PPP2R3B: variants seen among roughly 807,000 people sequenced by gnomAD.
The protein encoded by PPP2R3B is serine/threonine-protein phosphatase 2A regulatory subunit B'' subunit beta.
Under a neutral mutation model 72.9 loss-of-function variants are expected in PPP2R3B, and 68 were observed. The observed-to-expected ratio is 0.93, with a 90% CI of 0.77 to 1.14. PPP2R3B has a LOEUF of 1.14. Among genes scored for constraint, PPP2R3B ranks in the 50% most tolerant of loss-of-function variants. The pLI is 0.00. For synonymous variants in PPP2R3B, 466 were observed against 375.8 expected, an observed-to-expected ratio of 1.24 and a Z score of -2.78; for missense variants, 1,018 against 842.0, an observed-to-expected ratio of 1.21 and a Z score of -2.59.
At position 386,407 on chromosome X, in the gene PPP2R3B, G is replaced by C; in HGVS notation, c.285C>G (p.Pro95=). The C allele has an allele frequency of 7.6e-7, 1 of 1,320,208 alleles. No homozygotes were observed. The highest frequency in any genetic ancestry group is 9.7e-7 in the Non-Finnish European group (1 of 1,029,438). 81.8% of individuals were successfully genotyped at this position (1,320,208 alleles called of 1,614,324 possible). The change falls in exon 1 of 13, where the codon CCC becomes CCG. Residue 95 remains proline, a synonymous_variant. Transcript: ENST00000390665. ...CGGATCTACGGGTGCCTCGAACGTG[G>C]GGCGCGTTCCTGGGGCTGGAGGCGG... The part of the protein sequence containing the change: ...LGAASSPRNA[P]HVRGTRRSAG...
chrX:357,551 T>G (rs1489084408), intron 2 of PPP2R3B, among the ~76,000 whole-genome samples: 1 of 152,202 alleles, frequency 6.6e-6, no homozygotes, highest in Non-Finnish European at 1.5e-5. Context: ...TAAATGATTC[T>G]GTCAAGAAAG....
intron 5 of PPP2R3B, 92 bp downstream of exon 5, chrX:346,609 C>T (rs2071220059): frequency 4.7e-6 from 6 of 1,285,388 alleles, no homozygotes; most frequent in African/African-American, 1.5e-5. Context: ...CCCCGGGCCC[C>T]GCCCGCCCCG....
intron 2 of PPP2R3B, among the ~76,000 whole-genome samples, chrX:355,945 T>C (rs1270809208): frequency 6.6e-6 from 1 of 152,086 alleles, no homozygotes; most frequent in African/African-American, 2.4e-5. Flanking sequence ...TCAAAGCTCA[T>C]TGAATTGTAC....
At position 342,283 on chromosome X, in the gene PPP2R3B, CCAACGGGAGACGGGAGTGAGACCTCAG is replaced by C. The variant is rs1569381591; in HGVS notation, c.1037-379_1037-353del. 373 of 425,764 alleles carry C rather than the reference CCAACGGGAGACGGGAGTGAGACCTCAG, an allele frequency of 8.8e-4. 1 individual carries two copies. Among genetic ancestry groups the C allele is most frequent in the African/African-American group, 5.8e-3 (282 of 48,538 alleles). The allele number at this position is 425,764 out of a possible 1,614,324, so 26.4% of individuals were successfully genotyped here. On this transcript the variant is annotated intron_variant, in intron 7 of 12. Coordinates refer to ENST00000390665, the MANE Select transcript of PPP2R3B (RefSeq NM_013239.5). ...CAAACACGTTTCAACCAAAGGTTCA[CCAACGGGAGACGGGAGTGAGACCTCAG>C]CAACGGGAGGCGGGAGTGAGACCTC... is the stretch of plus-strand genomic sequence containing the variant.
chrX:370,431 T>G (rs1437664347), intron 1 of PPP2R3B, among the ~76,000 whole-genome samples: 2 of 152,026 alleles, frequency 1.3e-5, no homozygotes, highest in African/African-American at 2.4e-5. Context: ...GGCGTGAGTC[T>G]CCACAGAGCT....
At chrX:383,584 T>C (rs2072171480) in intron 1 of PPP2R3B, among the ~76,000 whole-genome samples, 1 of 151,972 alleles carries the variant, frequency 6.6e-6, no homozygotes, top group Non-Finnish European at 1.5e-5. Flanking sequence ...ACACCTGTAA[T>C]CCCAAAACTT....
intron 2 of PPP2R3B, among the ~76,000 whole-genome samples, chrX:348,532 C>T (rs1467535717): frequency 1.3e-5 from 2 of 149,940 alleles, no homozygotes; most frequent in Non-Finnish European, 2.9e-5. Context: ...GCCACGATCA[C>T]ACCACTGCAC....
In PPP2R3B at chrX:334,532, T is replaced by G. The variant is rs771562491; in HGVS notation, c.1578-15A>C. 3 of 1,526,682 alleles carry G rather than the reference T, an allele frequency of 2.0e-6. No homozygotes were observed. Among genetic ancestry groups the G allele is most frequent in the Non-Finnish European group, 2.6e-6 (3 of 1,144,344 alleles). 94.6% of individuals were successfully genotyped at this position (1,526,682 alleles called of 1,614,324 possible). A position where few individuals can be genotyped will look rare whatever the true frequency, so the allele number is the denominator to read the frequency against. On this transcript the variant is annotated splice_polypyrimidine_tract_variant and intron_variant, in intron 12 of 12. Transcript: ENST00000390665. ...CGGCCTCGAACCTGCAACGAGGGGATGGCGAAGACGTGGCCAGCAGCGCGG... is the reference window on the plus strand; with the variant it reads ...CGGCCTCGAACCTGCAACGAGGGGAGGGCGAAGACGTGGCCAGCAGCGCGG...
chrX:370,899 G>A (rs1370325079), intron 1 of PPP2R3B, among the ~76,000 whole-genome samples: 4 of 152,334 alleles, frequency 2.6e-5, no homozygotes, highest in South Asian at 2.1e-4. Context: ...TCAGCCATGC[G>A]TGGTGCCGTG....
intron 2 of PPP2R3B, among the ~76,000 whole-genome samples, chrX:353,553 A>C (rs1198233293): frequency 6.6e-6 from 1 of 152,248 alleles, no homozygotes; most frequent in Non-Finnish European, 1.5e-5. Flanking sequence ...AGTGAATTCT[A>C]AAGGACATTT....
chrX:347,098 T>C (rs1202780627), intron 4 of PPP2R3B, 136 bp downstream of exon 4: 6 of 1,018,232 alleles, frequency 5.9e-6, no homozygotes, highest in African/African-American at 5.5e-5. Context: ...TCCCATGAGG[T>C]GTGCGGTGTA....
At position 334,304 on chromosome X, in the gene PPP2R3B, G is replaced by C; in HGVS notation, c.*63C>G. On this transcript the variant is annotated 3_prime_UTR_variant, in exon 13 of 13. Coordinates refer to ENST00000390665, the MANE Select transcript of PPP2R3B (RefSeq NM_013239.5). ...ATTTTCCACAACAGTTTTTACACGA[G>C]CCGCGGTGGCCCGGTGGTGGCACGT... 7.1e-7 allele frequency: 1 copy of C among 1,414,224 alleles called. No homozygotes were observed. The highest frequency in any genetic ancestry group is 9.2e-7 in the Non-Finnish European group (1 of 1,084,622). 87.6% of individuals were successfully genotyped at this position (1,414,224 alleles called of 1,614,324 possible).
At chrX:334,668 G>C (rs1029767622) in intron 12 of PPP2R3B, 151 bp from the exon 13 acceptor site, 1 of 934,396 alleles carries the variant, frequency 1.1e-6, no homozygotes, top group Non-Finnish European at 1.5e-6. Context: ...CCAGCAACGC[G>C]CTCCTGGCTG....
chrX:361,858 C>T (rs1038133959), intron 1 of PPP2R3B, among the ~76,000 whole-genome samples: 1 of 152,186 alleles, frequency 6.6e-6, no homozygotes. Context: ...CCGAGCAGGG[C>T]CCTGGGGACA....
intron 2 of PPP2R3B, among the ~76,000 whole-genome samples, chrX:353,632 G>A (rs2071373764): frequency 6.6e-6 from 1 of 152,266 alleles, no homozygotes; most frequent in African/African-American, 2.4e-5. Context: ...AAGAAAAGGA[G>A]ACCGCAGGCC....
At chrX:380,363 T>A (rs1305447528) in intron 1 of PPP2R3B, among the ~76,000 whole-genome samples, 1 of 152,180 alleles carries the variant, frequency 6.6e-6, no homozygotes, top group Non-Finnish European at 1.5e-5. Context: ...AACTCAGTGA[T>A]AACATAACCC....
At chrX:356,638 CAG>C (rs1569397554) in intron 2 of PPP2R3B, among the ~76,000 whole-genome samples, 2 of 152,220 alleles carry the variant, frequency 1.3e-5, no homozygotes, top group South Asian at 4.1e-4. Flanking sequence ...AATCAGTGCA[CAG>C]ACACACAGCA....
chrX:345,637 G>A lies in PPP2R3B; in HGVS notation c.915C>T (p.Asn305=). Reference sequence around the variant, plus strand: ...CGTACGAGAAGAATTCGGTCAGCTGGTTGATGTCCGCCTCCTCCTCCAGCA... The same window carrying A: ...CGTACGAGAAGAATTCGGTCAGCTGATTGATGTCCGCCTCCTCCTCCAGCA... ...VALLEEEADI[N]QLTEFFSYEH... The change falls in exon 7 of 13, where the codon AAC becomes AAT. Residue 305 remains asparagine (N), a synonymous_variant. Coordinates refer to ENST00000390665, the MANE Select transcript of PPP2R3B (RefSeq NM_013239.5). 1.2e-6 allele frequency: 2 copies of A among 1,613,152 alleles called. No homozygotes were observed. The highest frequency in any genetic ancestry group is 1.7e-6 in the Non-Finnish European group (2 of 1,179,556).
At chrX:375,256 G>C (rs2071964003) in intron 1 of PPP2R3B, among the ~76,000 whole-genome samples, 2 of 152,208 alleles carry the variant, frequency 1.3e-5, no homozygotes, top group African/African-American at 4.8e-5. Context: ...GCACCAGAGG[G>C]AATGTGCTCA....
Sources: allele counts gnomAD v4.1 joint callset (sites outside exome capture counted in the v4.1 genomes callset), GRCh38; gene constraint gnomAD v4.1.1; transcripts MANE v1.5; gene names NCBI Gene and HGNC (gene_info 2026-07-23, HGNC 2026-07-21).